PSKH2: variants seen among roughly 807,000 people sequenced by gnomAD.
PSKH2 encodes protein serine kinase H2, also known as serine/threonine-protein kinase H2.
A neutral mutation model predicts 22.5 loss-of-function variants in PSKH2; 16 were observed. The ratio of observed to expected loss-of-function variants is 0.71; its 90% CI spans 0.48 to 1.08. The LOEUF is 1.08. Ranked by LOEUF, PSKH2 falls within the 50% of genes least tolerant of loss-of-function variation. The pLI is 0.00. For missense variants in PSKH2, 516 were observed against 492.8 expected, an observed-to-expected ratio of 1.05 and a Z score of -0.44; for synonymous variants, 188 against 184.8, an observed-to-expected ratio of 1.02 and a Z score of -0.14.
chr8:86,055,090 T>A (rs948064108), intron 2 of PSKH2, among the ~76,000 whole-genome samples: 4 of 152,190 alleles, frequency 2.6e-5, no homozygotes, highest in Non-Finnish European at 4.4e-5. Context: ...TATAGAATAA[T>A]GTATTTATAT....
intron 2 of PSKH2, among the ~76,000 whole-genome samples, chr8:86,053,529 G>A (rs1409345010): frequency 6.6e-6 from 1 of 152,084 alleles, no homozygotes; most frequent in East Asian, 1.9e-4. Context: ...CCTCTTCAAG[G>A]AGACAAGAAT....
intron 2 of PSKH2, among the ~76,000 whole-genome samples, chr8:86,053,694 G>A (rs763663508): frequency 2.6e-5 from 4 of 152,036 alleles, no homozygotes; most frequent in African/African-American, 9.7e-5. Flanking sequence ...ACTAGTCAAC[G>A]CTTTAATATT....
intron 2 of PSKH2, among the ~76,000 whole-genome samples, chr8:86,051,494 A>T (rs941800686): frequency 6.6e-6 from 1 of 152,224 alleles, no homozygotes; most frequent in Non-Finnish European, 1.5e-5. Flanking sequence ...CAGAAATAAA[A>T]GTTATAAAAT....
chr8:86,060,813 T>C (rs1368695462), intron 2 of PSKH2, among the ~76,000 whole-genome samples: 1 of 152,214 alleles, frequency 6.6e-6, no homozygotes, highest in Admixed American at 6.5e-5. Context: ...ATGTTGTCAG[T>C]ACTCTGGTGC....
At chr8:86,055,375 G>T (rs1194257517) in intron 2 of PSKH2, among the ~76,000 whole-genome samples, 2 of 152,154 alleles carry the variant, frequency 1.3e-5, no homozygotes, top group African/African-American at 4.8e-5. Flanking sequence ...CTTATTGTCT[G>T]TGATTGAGTT....
chr8:86,067,939 G>A (rs1817888587), intron 1 of PSKH2, among the ~76,000 whole-genome samples: 1 of 152,124 alleles, frequency 6.6e-6, no homozygotes, highest in African/African-American at 2.4e-5. Flanking sequence ...TTATAATGTT[G>A]AGATCCTCTA....
chr8:86,066,150 T>C (rs1817854033), intron 1 of PSKH2, among the ~76,000 whole-genome samples: 1 of 151,654 alleles, frequency 6.6e-6, no homozygotes, highest in Admixed American at 6.6e-5. Flanking sequence ...AAGACCACAT[T>C]AGCCAATTGG....
intron 1 of PSKH2, among the ~76,000 whole-genome samples, chr8:86,066,671 T>C (rs1006537911): frequency 6.6e-6 from 1 of 151,986 alleles, no homozygotes; most frequent in Non-Finnish European, 1.5e-5. Context: ...GAGCTTATTT[T>C]TCCTGTAACT....
At position 86,069,440 on chromosome 8, in the gene PSKH2, G is replaced by T. The variant is rs746819278; in HGVS notation, c.183C>A (p.Ala61=). The T allele has an allele frequency of 1.8e-5, 28 of 1,583,870 alleles. No homozygotes were observed. The highest frequency in any genetic ancestry group is 2.2e-5 in the Non-Finnish European group (26 of 1,165,738). The change falls in exon 1 of 3, where the codon GCC becomes GCA. Residue 61 remains alanine, a splice_region_variant and synonymous_variant. Transcript: ENST00000276616. ...FRAKFDPRVL[A]RYDIKALIGT... ...CAGTTCCTCACGTGGCGCTTTACCT[G>T]GCAAGGACCCGGGGGTCGAACTTGG...
intron 2 of PSKH2, among the ~76,000 whole-genome samples, chr8:86,060,935 C>A (rs569705356): frequency 7.2e-5 from 11 of 152,280 alleles, no homozygotes; most frequent in Admixed American, 3.3e-4. Context: ...TGCATGCACG[C>A]ACCCTTCTTT....
chr8:86,052,254 C>T (rs372976696), intron 2 of PSKH2, among the ~76,000 whole-genome samples: 27 of 152,272 alleles, frequency 1.8e-4, no homozygotes, highest in African/African-American at 6.3e-4. Context: ...AATAAACTTC[C>T]TTAGAATTTC....
At chr8:86,057,533 C>G (rs745724638) in intron 2 of PSKH2, among the ~76,000 whole-genome samples, 7 of 151,972 alleles carry the variant, frequency 4.6e-5, no homozygotes, top group African/African-American at 1.4e-4. Flanking sequence ...ACTACAGGCA[C>G]GCGCCACCAC....
chr8:86,056,224 T>C (rs1161740422), intron 2 of PSKH2, among the ~76,000 whole-genome samples: 1 of 151,978 alleles, frequency 6.6e-6, no homozygotes, highest in Non-Finnish European at 1.5e-5. Flanking sequence ...CCCAGGGAGT[T>C]TGGGGCTGCA....
In PSKH2 at chr8:86,064,094, A is replaced by C. The variant is rs781392048; in HGVS notation, c.723T>G (p.Ser241Arg). Residue 241 changes from serine to arginine, a missense_variant, in exon 2 of 3, where the codon AGT (serine) becomes AGG (arginine). Transcript: ENST00000276616. Reference protein sequence around the residue: ...PEVLLRKPYTSAVDMWALGVI... With the variant: ...PEVLLRKPYTRAVDMWALGVI... Reference sequence around the variant, plus strand: ...CACCAAGAGCCCACATGTCCACTGCACTGGTATAAGGCTTCCTTAGCAAAA... The same window carrying C: ...CACCAAGAGCCCACATGTCCACTGCCCTGGTATAAGGCTTCCTTAGCAAAA... The C allele has an allele frequency of 1.4e-5, 23 of 1,614,042 alleles. No homozygotes were observed. Among genetic ancestry groups the C allele is most frequent in the Non-Finnish European group, 1.8e-5 (21 of 1,180,042 alleles).
rs1361094087 is a variant in PSKH2 at position 86,048,457 on chromosome 8, T to A, written c.*5A>T. 2 of 1,607,018 alleles carry A rather than the reference T, an allele frequency of 1.2e-6. No homozygotes were observed. Among genetic ancestry groups the A allele is most frequent in the Admixed American group, 1.7e-5 (1 of 59,672 alleles). ...TAGGCAAAAATAGTTTTAGAGGTCATCTGCTTACAAAAGCGCAGACAGTGG... is the reference window on the plus strand; with the variant it reads ...TAGGCAAAAATAGTTTTAGAGGTCAACTGCTTACAAAAGCGCAGACAGTGG... On this transcript the variant is annotated 3_prime_UTR_variant, in exon 3 of 3. Transcript: ENST00000276616.
chr8:86,064,459 T>C lies in PSKH2; in HGVS notation c.358A>G (p.Ile120Val). ...SVLRRVSHRY[I>V]VQLMEIFETE... ...TCAAAGATCTCCATGAGCTGGACAATGTAACGATGGCTAACCCGCCGCAGG... is the reference window on the plus strand; with the variant it reads ...TCAAAGATCTCCATGAGCTGGACAACGTAACGATGGCTAACCCGCCGCAGG... Residue 120 changes from isoleucine to valine, a missense_variant, in exon 2 of 3, where the codon ATT (isoleucine) becomes GTT (valine). Transcript: ENST00000276616. 2 of 1,614,056 alleles carry C rather than the reference T, an allele frequency of 1.2e-6. No individual in the cohort carries two copies. Among genetic ancestry groups the C allele is most frequent in the Non-Finnish European group, 1.7e-6 (2 of 1,180,008 alleles).
At position 86,069,576 on chromosome 8, in the gene PSKH2, AG is replaced by A. The variant is rs1563545491; in HGVS notation, c.46del (p.Leu16TrpfsTer65). Reference protein sequence around the residue: ...SRKVVPGPPALAWAKHEGQNQ... With the variant: ...SRKVVPGPPAXAWAKHEGQNQ... ...TTGACCTTCGTGCTTGGCCCAAGCCAGCGCTGGTGGCCCCGGGACCACCTTC... is the reference window on the plus strand; with the variant it reads ...TTGACCTTCGTGCTTGGCCCAAGCCACGCTGGTGGCCCCGGGACCACCTTC... On this transcript the variant is annotated frameshift_variant, in exon 1 of 3. Transcript: ENST00000276616. LOFTEE classifies it high-confidence loss of function. The A allele has an allele frequency of 2.4e-5, 38 of 1,601,184 alleles. No individual in the cohort carries two copies. Among genetic ancestry groups the A allele is most frequent in the Non-Finnish European group, 3.2e-5 (38 of 1,175,188 alleles).
chr8:86,065,095 C>G (rs1817838934), intron 1 of PSKH2, among the ~76,000 whole-genome samples: 1 of 152,134 alleles, frequency 6.6e-6, no homozygotes, highest in Non-Finnish European at 1.5e-5. Context: ...TGTTAAGACC[C>G]CCCTCTACCA....
rs1817670329 is a variant in PSKH2, at chr8:86,054,194, T to A, written c.853-5427A>T. Among the ~76,000 whole-genome samples the A allele has an allele frequency of 3.0e-5, 4 of 134,928 alleles. 1 individual carries two copies. The South Asian group carries it at 9.1e-4, about 31-fold the overall frequency. 88.5% of individuals were successfully genotyped at this position (134,928 alleles called of 152,430 possible). On this transcript the variant is annotated intron_variant, in intron 2 of 2. Transcript: ENST00000276616. ...TCTTGAAGTATAGGACAATTATTGG[T>A]GGATTTAATTAAATAATTTTTTTAA...
Sources: allele counts gnomAD v4.1 joint callset (sites outside exome capture counted in the v4.1 genomes callset), GRCh38; gene constraint gnomAD v4.1.1; transcripts MANE v1.5; gene names NCBI Gene and HGNC (gene_info 2026-07-23, HGNC 2026-07-21).